RASGRF2: variants seen among roughly 807,000 people sequenced by gnomAD.
The protein encoded by RASGRF2 is ras-specific guanine nucleotide-releasing factor 2.
Under a neutral mutation model 151.0 loss-of-function variants are expected in RASGRF2, and 76 were observed. The observed-to-expected ratio is 0.50, with a 90% CI of 0.42 to 0.61. RASGRF2 has a LOEUF of 0.61. Among genes scored for constraint, RASGRF2 ranks in the 20% least tolerant of loss-of-function variants. The pLI, the probability that RASGRF2 is intolerant of heterozygous loss-of-function variation, is 0.00. For synonymous variants in RASGRF2, 504 were observed against 566.5 expected, an observed-to-expected ratio of 0.89 and a Z score of 1.57; for missense variants, 1,148 against 1,564.6, an observed-to-expected ratio of 0.73 and a Z score of 4.49.
chr5:81,189,327 C>T (rs1392779983), intron 18 of RASGRF2, among the ~76,000 whole-genome samples: 1 of 152,160 alleles, frequency 6.6e-6, no homozygotes, highest in African/African-American at 2.4e-5. Flanking sequence ...GGGCATGTCC[C>T]CAGCTGGTAG....
intron 1 of RASGRF2, among the ~76,000 whole-genome samples, chr5:81,035,524 A>G (rs907127328): frequency 6.6e-6 from 1 of 151,850 alleles, no homozygotes; most frequent in Non-Finnish European, 1.5e-5. Flanking sequence ...TGACAAGTTA[A>G]TGGGTGCAGC....
chr5:81,012,029 T>C (rs1471560014), intron 1 of RASGRF2, among the ~76,000 whole-genome samples: 1 of 152,222 alleles, frequency 6.6e-6, no homozygotes. Flanking sequence ...CCATGATGCC[T>C]GGAGCTATGA....
At chr5:81,085,668 T>C (rs912772449) in intron 7 of RASGRF2, 134 bp from the exon 8 acceptor site, 20 of 1,376,586 alleles carry the variant, frequency 1.5e-5, no homozygotes, top group Non-Finnish European at 1.9e-5. Context: ...TGTATTTCTT[T>C]TTTAAAAAAT....
chr5:81,151,271 A>G (rs385389), intron 17 of RASGRF2, among the ~76,000 whole-genome samples: 109,050 of 151,996 alleles, frequency 0.72, 39,292 homozygotes, highest in East Asian at 0.86. Context: ...ACATCATTTT[A>G]AAAAGGTCTT....
chr5:80,984,173 G>A (rs1412446862), intron 1 of RASGRF2, among the ~76,000 whole-genome samples: 1 of 152,164 alleles, frequency 6.6e-6, no homozygotes, highest in Admixed American at 6.5e-5. Flanking sequence ...TGATTCTCCT[G>A]CCTCAGTCTC....
At chr5:81,169,887 C>T (rs62364961) in intron 17 of RASGRF2, among the ~76,000 whole-genome samples, 29,482 of 57,630 alleles carry the variant, frequency 0.51, 7,453 homozygotes, top group East Asian at 0.69. Flanking sequence ...GCATCACCTG[C>T]ACCACCTGTA....
rs1253881991 is a variant in RASGRF2, at chr5:81,192,441, T to C, written c.2794-8889T>C. Reference sequence around the variant, plus strand: ...TGTGAACAATGAGGCTTTTAAAATATTTTTGTAGTTAGGCAATGGAAAATG... The same window carrying C: ...TGTGAACAATGAGGCTTTTAAAATACTTTTGTAGTTAGGCAATGGAAAATG... On this transcript the variant is annotated intron_variant, in intron 18 of 26. Transcript: ENST00000265080. Among the ~76,000 whole-genome samples, 6 of 152,238 alleles carry C rather than the reference T, an allele frequency of 3.9e-5. No individual in the cohort carries two copies. In the East Asian group the frequency reaches 7.7e-4, roughly 20 times the overall value.
intron 2 of RASGRF2, among the ~76,000 whole-genome samples, chr5:81,046,504 C>T (rs532203093): frequency 6.6e-6 from 1 of 152,184 alleles, no homozygotes; most frequent in African/African-American, 2.4e-5. Context: ...AACACGGGCA[C>T]ATTTAGGATA....
At chr5:81,075,419 G>T (rs1751909043) in intron 5 of RASGRF2, among the ~76,000 whole-genome samples, 1 of 152,186 alleles carries the variant, frequency 6.6e-6, no homozygotes, top group African/African-American at 2.4e-5. Context: ...CGGGCTAGGT[G>T]TGGAAAGGTC....
At chr5:81,224,313 G>A (rs1395409924) in intron 26 of RASGRF2, among the ~76,000 whole-genome samples, 3 of 152,162 alleles carry the variant, frequency 2.0e-5, no homozygotes, top group Non-Finnish European at 4.4e-5. Context: ...CATTGCTTAG[G>A]GTATAGGAAA....
intron 17 of RASGRF2, among the ~76,000 whole-genome samples, chr5:81,152,481 A>G (rs1276775897): frequency 6.6e-6 from 1 of 152,224 alleles, no homozygotes; most frequent in East Asian, 1.9e-4. Context: ...TTCTTCCTTC[A>G]ATATCTGTAG....
chr5:81,063,477 G>A (rs1751503573), intron 2 of RASGRF2, among the ~76,000 whole-genome samples: 1 of 152,060 alleles, frequency 6.6e-6, no homozygotes, highest in South Asian at 2.1e-4. Context: ...AAACTCAGGT[G>A]ATCTGCCTGC....
intron 4 of RASGRF2, among the ~76,000 whole-genome samples, chr5:81,071,815 A>G (rs252587): frequency 0.71 from 108,041 of 151,880 alleles, 38,661 homozygotes; most frequent in African/African-American, 0.77. Flanking sequence ...CAATTTTCAG[A>G]TGTGTGGTAG....
chr5:81,149,399 T>A (rs892646890), intron 17 of RASGRF2, among the ~76,000 whole-genome samples: 2 of 152,172 alleles, frequency 1.3e-5, no homozygotes, highest in African/African-American at 4.8e-5. Context: ...ACATCGTATG[T>A]TCTCACTTAT....
intron 1 of RASGRF2, among the ~76,000 whole-genome samples, chr5:81,006,912 C>T (rs1347419041): frequency 6.6e-6 from 1 of 152,166 alleles, no homozygotes; most frequent in Non-Finnish European, 1.5e-5. Flanking sequence ...GTTCTGCGGG[C>T]CCACGAGACA....
intron 1 of RASGRF2, among the ~76,000 whole-genome samples, chr5:80,996,629 T>C (rs560420436): frequency 7.1e-6 from 1 of 141,118 alleles, no homozygotes; most frequent in African/African-American, 2.7e-5. Flanking sequence ...AAGTCTCACT[T>C]TGTCCTGTCG....
At chr5:81,035,573 G>T (rs1446994417) in intron 1 of RASGRF2, among the ~76,000 whole-genome samples, 1 of 151,810 alleles carries the variant, frequency 6.6e-6, no homozygotes, top group East Asian at 1.9e-4. Context: ...TAACAAACCT[G>T]CATGTTGTGC....
chr5:81,146,564 AT>A (rs928700086), intron 17 of RASGRF2, among the ~76,000 whole-genome samples: 37 of 152,258 alleles, frequency 2.4e-4, no homozygotes, highest in African/African-American at 6.3e-4. Context: ...TTATTTTGTG[AT>A]TCTGGGACGA....
At chr5:81,209,294 G>A (rs746248210) in intron 22 of RASGRF2, among the ~76,000 whole-genome samples, 39 of 152,224 alleles carry the variant, frequency 2.6e-4, no homozygotes, top group Non-Finnish European at 4.7e-4. Flanking sequence ...ATACCTCCCC[G>A]CTCTTCCTTA....
Sources: gnomAD v4.1 joint callset for allele counts (sites outside exome capture counted in the v4.1 genomes callset) on GRCh38, gnomAD v4.1.1 for gene constraint, MANE v1.5 for transcripts, NCBI Gene and HGNC (gene_info 2026-07-23, HGNC 2026-07-21) for gene names.